Variants in ZNF286A observed in about 807,000 individuals in gnomAD.
ZNF286A encodes zinc finger protein 286A, also known as zinc finger protein ZNF286.
ZNF286A carries 34 observed loss-of-function variants against 49.3 expected under a neutral mutation model. That is an observed-to-expected ratio of 0.69 (90% CI 0.52 to 0.92). The LOEUF (loss-of-function observed/expected upper bound fraction) is 0.92. Ranked by LOEUF, ZNF286A falls within the 40% of genes least tolerant of loss-of-function variation. The probability of loss-of-function intolerance (pLI) is 0.00; values close to 1 mark genes in which losing one functional copy is unlikely to be tolerated. For missense variants in ZNF286A, 462 were observed against 600.2 expected, an observed-to-expected ratio of 0.77 and a Z score of 2.41; for synonymous variants, 155 against 200.4, an observed-to-expected ratio of 0.77 and a Z score of 1.91.
At chr17:15,706,787 C>A (rs1227747171) in intron 4 of ZNF286A, among the ~76,000 whole-genome samples, 1 of 152,050 alleles carries the variant, frequency 6.6e-6, no homozygotes, top group Admixed American at 6.5e-5. Context: ...CAAGAATTTC[C>A]TTTATTCATT....
rs560324176 is a variant in ZNF286A, at chr17:15,705,018, G to A, written c.127-1369G>A. On this transcript the variant is annotated intron_variant, in intron 3 of 5. Coordinates refer to ENST00000583566, the MANE Select transcript of ZNF286A (RefSeq NM_001130842.2). ...GCCCTGGAGAGGCCCCGGCGGCCCC[G>A]CTCCGCTCCCCGCTGCCTCTGACGT... 40 of 629,068 alleles carry A rather than the reference G, an allele frequency of 6.4e-5. No individual in the cohort carries two copies. In the South Asian group the frequency reaches 1.1e-3, roughly 17 times the overall value. The allele number at this position is 629,068 out of a possible 1,614,324, so 39.0% of individuals were successfully genotyped here. A position where few individuals can be genotyped will look rare whatever the true frequency, so the allele number is the denominator to read the frequency against.
chr17:15,719,957 A>G lies in ZNF286A; in HGVS notation c.*2667A>G, dbSNP rs1443749073. 2.0e-5 allele frequency: 3 copies of G among 152,238 alleles called. No individual in the cohort carries two copies. The highest frequency in any genetic ancestry group is 4.4e-5 in the Non-Finnish European group (3 of 68,042). 9.4% of individuals were successfully genotyped at this position (152,238 alleles called of 1,614,324 possible). A position where few individuals can be genotyped will look rare whatever the true frequency, so the allele number is the denominator to read the frequency against. On this transcript the variant is annotated 3_prime_UTR_variant, in exon 6 of 6. Coordinates refer to ENST00000583566, the MANE Select transcript of ZNF286A (RefSeq NM_001130842.2). Reference sequence around the variant, plus strand: ...TAGGATGTTACTATATATTGTTAGGAGAATTCAAGTTATTGAAACTTGCCA... The same window carrying G: ...TAGGATGTTACTATATATTGTTAGGGGAATTCAAGTTATTGAAACTTGCCA...
rs764466929 is a variant in ZNF286A, at chr17:15,717,334, T to C, written c.*44T>C. 7 of 1,345,658 alleles carry C rather than the reference T, an allele frequency of 5.2e-6. No individual in the cohort carries two copies. In the South Asian group the frequency reaches 1.1e-4, roughly 20 times the overall value. 83.4% of individuals were successfully genotyped at this position (1,345,658 alleles called of 1,614,324 possible). ...GAAATGTAAGTTGGTTTTATCACTG[T>C]ATTAAATACTTGAGTGTTTAGGTGG... is the stretch of plus-strand genomic sequence containing the variant. On this transcript the variant is annotated 3_prime_UTR_variant, in exon 6 of 6. Coordinates refer to ENST00000583566, the MANE Select transcript of ZNF286A (RefSeq NM_001130842.2).
At chr17:15,708,398 A>C (rs1990401359) in intron 5 of ZNF286A, 151 bp downstream of exon 5, 3 of 491,764 alleles carry the variant, frequency 6.1e-6, no homozygotes, top group Non-Finnish European at 1.0e-5. Flanking sequence ...AAGTCCAGAA[A>C]ATAAAATAAC....
chr17:15,704,876 G>T, intron 3 of ZNF286A: 1 of 1,611,410 alleles, frequency 6.2e-7, no homozygotes. Context: ...ATGTGCGGGG[G>T]CAGTTTCTCC....
At chr17:15,701,637 G>A (rs1732953993) in intron 3 of ZNF286A, among the ~76,000 whole-genome samples, 1 of 152,212 alleles carries the variant, frequency 6.6e-6, no homozygotes, top group Admixed American at 6.5e-5. Context: ...AAATGCTGAA[G>A]TGATTGTAAA....
intron 5 of ZNF286A, among the ~76,000 whole-genome samples, chr17:15,710,509 G>C (rs1990569716): frequency 6.6e-6 from 1 of 152,106 alleles, no homozygotes; most frequent in Admixed American, 6.5e-5. Context: ...GCTACCTGTG[G>C]TAAACCCAGT....
chr17:15,700,700 C>T (rs1989706836), intron 2 of ZNF286A: 2 of 491,360 alleles, frequency 4.1e-6, no homozygotes, highest in Admixed American at 3.3e-5. Context: ...TTCCATTCTA[C>T]CTGACCAGTT....
In ZNF286A at chr17:15,717,003, C is replaced by G. The variant is rs751666837; in HGVS notation, c.1279C>G (p.Gln427Glu). The G allele has an allele frequency of 6.2e-7, 1 of 1,613,428 alleles. No individual in the cohort carries two copies. The highest frequency in any genetic ancestry group is 1.3e-5 in the African/African-American group (1 of 74,780). ...KTFSQSTHLV[Q>E]HQRIHTGEKP... ...TTTTAGTCAGAGCACACATCTTGTT[C>G]AACATCAGAGAATTCACACTGGAGA... The change falls in exon 6 of 6, where the codon CAA becomes GAA. Residue 427 changes from glutamine (Q) to glutamate (E), a missense_variant. This residue lies in a region of ZNF286A where 201 missense variants were observed against 311.3 expected (regional missense o/e 0.65). Transcript: ENST00000583566.
At chr17:15,708,404 A>G (rs1990401808) in intron 5 of ZNF286A, 157 bp downstream of exon 5, 1 of 476,646 alleles carries the variant, frequency 2.1e-6, no homozygotes, top group Non-Finnish European at 3.6e-6. Flanking sequence ...AGAAAATAAA[A>G]TAACATTCAT....
At chr17:15,710,833 A>C (rs546446269) in intron 5 of ZNF286A, among the ~76,000 whole-genome samples, 1 of 151,660 alleles carries the variant, frequency 6.6e-6, no homozygotes, top group South Asian at 2.1e-4. Context: ...CTTATATATG[A>C]GGTTTTTACC....
At chr17:15,712,954 A>G (rs1486143439) in intron 5 of ZNF286A, among the ~76,000 whole-genome samples, 2 of 152,114 alleles carry the variant, frequency 1.3e-5, no homozygotes, top group Non-Finnish European at 2.9e-5. Context: ...AGCAGTTCTG[A>G]ATGCTTTGGC....
intron 3 of ZNF286A, among the ~76,000 whole-genome samples, chr17:15,705,503 T>C (rs543251048): frequency 6.6e-6 from 1 of 152,324 alleles, no homozygotes; most frequent in South Asian, 2.1e-4. Flanking sequence ...ATGTGGCATT[T>C]TTTTTCCTAT....
chr17:15,704,597 C>A (rs1340306637), intron 3 of ZNF286A: 1 of 1,614,062 alleles, frequency 6.2e-7, no homozygotes, highest in Non-Finnish European at 8.5e-7. Context: ...GCCGTCCAGT[C>A]CCTCTTGAGC....
chr17:15,699,934 T>C (rs896784433), intron 1 of ZNF286A, 157 bp downstream of exon 1: 1 of 638,004 alleles, frequency 1.6e-6, no homozygotes, highest in Non-Finnish European at 2.8e-6. Context: ...CCTGATCCTC[T>C]CCTCGGGGGA....
intron 3 of ZNF286A, chr17:15,704,777 C>T (rs1405967091): frequency 6.2e-7 from 1 of 1,613,810 alleles, no homozygotes; most frequent in Admixed American, 1.7e-5. Flanking sequence ...ACCTGGAGGT[C>T]GGTGAGGTCC....
chr17:15,709,923 G>A, intron 5 of ZNF286A: 1 of 1,523,514 alleles, frequency 6.6e-7, no homozygotes, highest in Non-Finnish European at 8.8e-7. Flanking sequence ...CACATGTTTA[G>A]CTTTACTAGG....
intron 3 of ZNF286A, among the ~76,000 whole-genome samples, chr17:15,702,815 A>G (rs1989885900): frequency 6.6e-6 from 1 of 152,266 alleles, no homozygotes; most frequent in Non-Finnish European, 1.5e-5. Flanking sequence ...ACTATTGACT[A>G]ACAAACTGAA....
At chr17:15,712,446 A>G (rs1483838809) in intron 5 of ZNF286A, among the ~76,000 whole-genome samples, 6 of 152,222 alleles carry the variant, frequency 3.9e-5, no homozygotes, top group South Asian at 2.1e-4. Flanking sequence ...AGATACTTCA[A>G]TACAACATGT....
Sources: allele counts gnomAD v4.1 joint callset (sites outside exome capture counted in the v4.1 genomes callset), GRCh38; gene constraint gnomAD v4.1.1; regional missense constraint gnomAD v4.1.1; transcripts MANE v1.5; gene names NCBI Gene and HGNC (gene_info 2026-07-23, HGNC 2026-07-21).